Variants in ANXA13 observed in about 807,000 individuals in gnomAD.
ANXA13 encodes annexin A13.
Under a neutral mutation model 46.6 loss-of-function variants are expected in ANXA13, and 36 were observed. The ratio of observed to expected loss-of-function variants is 0.77; its 90% CI spans 0.59 to 1.02. The LOEUF (loss-of-function observed/expected upper bound fraction) is 1.02, where lower values mean the gene tolerates loss of function less well. ANXA13 is among the 50% of genes least tolerant of loss of function. The probability of loss-of-function intolerance (pLI) is 0.00; values close to 1 mark genes in which losing one functional copy is unlikely to be tolerated. For missense variants in ANXA13, 417 were observed against 396.5 expected, an observed-to-expected ratio of 1.05 and a Z score of -0.44; for synonymous variants, 163 against 152.9, an observed-to-expected ratio of 1.07 and a Z score of -0.49.
intron 2 of ANXA13, chr8:123,712,423 T>C (rs1367071703): frequency 1.9e-6 from 1 of 524,164 alleles, no homozygotes; most frequent in Admixed American, 3.1e-5. Context: ...TCTCATGAAG[T>C]TTCTCTCACC....
chr8:123,719,996 A>G (rs1222401694), intron 1 of ANXA13, among the ~76,000 whole-genome samples: 1 of 152,174 alleles, frequency 6.6e-6, no homozygotes, highest in African/African-American at 2.4e-5. Context: ...AGGAGGTGGG[A>G]TGCTGGGTGA....
In ANXA13 at chr8:123,695,586, G is replaced by A. The variant is rs764991902; in HGVS notation, c.392-5C>T. ...ATTCGAGGCTCCTATCAAATACTTCGAAGGAAGTAAACAAGGAGGGAAGAA... is the reference window on the plus strand; with the variant it reads ...ATTCGAGGCTCCTATCAAATACTTCAAAGGAAGTAAACAAGGAGGGAAGAA... On this transcript the variant is annotated splice_region_variant and splice_polypyrimidine_tract_variant and intron_variant, in intron 5 of 10. Transcript: ENST00000419625. The A allele has an allele frequency of 6.8e-6, 11 of 1,613,062 alleles. No homozygotes were observed. Among genetic ancestry groups the A allele is most frequent in the East Asian group, 6.7e-5 (3 of 44,862 alleles).
chr8:123,682,136 T>C (rs1251502983), intron 10 of ANXA13, among the ~76,000 whole-genome samples: 2 of 152,186 alleles, frequency 1.3e-5, no homozygotes, highest in East Asian at 3.8e-4. Flanking sequence ...ATTAAGCAAT[T>C]AAGCAGTTTT....
intron 1 of ANXA13, among the ~76,000 whole-genome samples, chr8:123,718,791 C>G (rs1316568013): frequency 1.3e-5 from 2 of 152,214 alleles, no homozygotes. Flanking sequence ...GAAGCGGTGT[C>G]ACCTTGGCAG....
In ANXA13 at chr8:123,712,742, G is replaced by A; in HGVS notation, c.27C>T (p.Ser9=). ...GATCCACATCAAAACCCTGAGGACT[G>A]CTCGCTTTAGCCTGGAGAAAATAAT... MGNRHAKA[S]SPQGFDVDRD... Residue 9 remains serine (S), a synonymous_variant, in exon 2 of 11, where the codon AGC becomes AGT. Coordinates refer to ENST00000419625, the MANE Select transcript of ANXA13 (RefSeq NM_004306.4). The A allele has an allele frequency of 6.2e-7, 1 of 1,614,070 alleles. No individual in the cohort carries two copies. The highest frequency in any genetic ancestry group is 1.1e-5 in the South Asian group (1 of 91,080).
At chr8:123,693,088 C>A in intron 8 of ANXA13, 109 bp downstream of exon 8, 2 of 918,310 alleles carry the variant, frequency 2.2e-6, no homozygotes, top group Non-Finnish European at 3.4e-6. Flanking sequence ...AATTGAGAAC[C>A]ACTGTTGTAA....
rs772069665 is a variant in ANXA13, at chr8:123,722,380, AAG to A, written c.16-9629_16-9628del. Among the ~76,000 whole-genome samples, 94 of 124,618 alleles carry A rather than the reference AAG, an allele frequency of 7.5e-4. 1 individual carries two copies. Among genetic ancestry groups the A allele is most frequent in the African/African-American group, 1.9e-3 (66 of 33,978 alleles). 81.8% of individuals were successfully genotyped at this position (124,618 alleles called of 152,430 possible). On this transcript the variant is annotated intron_variant, in intron 1 of 10. Coordinates refer to ENST00000419625, the MANE Select transcript of ANXA13 (RefSeq NM_004306.4). ...AAAGAAAGAAAGAAAGAAAGAAAGA[AAG>A]AAAGAAAGAAAGAAAAGCTCAGTTC... is the stretch of plus-strand genomic sequence containing the variant.
At chr8:123,693,912 G>A (rs1462793469) in intron 6 of ANXA13, 133 bp from the exon 7 acceptor site, 9 of 749,230 alleles carry the variant, frequency 1.2e-5, no homozygotes, top group Non-Finnish European at 1.8e-5. Context: ...CTGGCAAGGA[G>A]GAAACACCTG....
At chr8:123,720,113 G>T (rs1217059250) in intron 1 of ANXA13, among the ~76,000 whole-genome samples, 3 of 152,172 alleles carry the variant, frequency 2.0e-5, no homozygotes, top group African/African-American at 7.2e-5. Context: ...AGAAGCCTTG[G>T]CTGGCTGCAC....
At position 123,712,726 on chromosome 8, in the gene ANXA13, C is replaced by T. The variant is rs1813683104; in HGVS notation, c.43G>A (p.Asp15Asn). 1.2e-6 allele frequency: 2 copies of T among 1,614,066 alleles called. No individual in the cohort carries two copies. Among genetic ancestry groups the T allele is most frequent in the Admixed American group, 3.3e-5 (2 of 60,010 alleles). The change falls in exon 2 of 11, where the codon GAT becomes AAT. Residue 15 changes from aspartate (D) to asparagine (N), a missense_variant. Coordinates refer to ENST00000419625, the MANE Select transcript of ANXA13 (RefSeq NM_004306.4). ...HAKASSPQGF[D>N]VDRDAKKLNK... is the part of the protein sequence containing the mutation. ...AGCTTTTTGGCATCTCGATCCACAT[C>T]AAAACCCTGAGGACTGCTCGCTTTA...
intron 1 of ANXA13, 21 bp downstream of exon 1, chr8:123,737,299 C>T (rs569408342): frequency 1.2e-6 from 2 of 1,605,378 alleles, no homozygotes; most frequent in East Asian, 2.3e-5. Context: ...AAACCAATTC[C>T]CAAAGGCAAT....
At chr8:123,691,882 T>TACACAC (rs145940109) in intron 8 of ANXA13, among the ~76,000 whole-genome samples, 1 of 151,694 alleles carries the variant, frequency 6.6e-6, no homozygotes, top group Admixed American at 6.6e-5. Context: ...AGTCAGTTCA[T>TACACAC]ACACACACAC....
intron 1 of ANXA13, among the ~76,000 whole-genome samples, chr8:123,715,343 T>C (rs1024880098): frequency 2.6e-5 from 4 of 152,258 alleles, no homozygotes; most frequent in African/African-American, 9.6e-5. Context: ...GCTGGTCCTC[T>C]AAGTGTGGAA....
At chr8:123,699,180 A>T (rs915593213) in intron 3 of ANXA13, among the ~76,000 whole-genome samples, 2 of 152,086 alleles carry the variant, frequency 1.3e-5, no homozygotes, top group African/African-American at 2.4e-5. Flanking sequence ...TCTTACTGGC[A>T]TCTGTTTTTT....
At chr8:123,717,919 G>A (rs1045137495) in intron 1 of ANXA13, among the ~76,000 whole-genome samples, 6 of 152,356 alleles carry the variant, frequency 3.9e-5, no homozygotes, top group African/African-American at 1.4e-4. Flanking sequence ...GTCTGTAAAA[G>A]GTACAATTAC....
Position 123,695,505 on chromosome 8 carries a change from C to T in ANXA13, c.468G>A (p.Leu156=), listed in dbSNP as rs376346596. The T allele has an allele frequency of 4.3e-6, 7 of 1,612,954 alleles. No homozygotes were observed. Among genetic ancestry groups the T allele is most frequent in the Non-Finnish European group, 5.9e-6 (7 of 1,178,946 alleles). ...GNLKKILVSL[L]QANRNEGDDV... ...GGTGACACCTCTTTCCTCTTACCTG[C>T]AGCAGAGACACCAGGATTTTTTTTA... is the stretch of plus-strand genomic sequence containing the variant. Residue 156 remains leucine (L), a synonymous_variant, in exon 6 of 11, where the codon CTG becomes CTA. Coordinates refer to ENST00000419625, the MANE Select transcript of ANXA13 (RefSeq NM_004306.4).
intron 3 of ANXA13, among the ~76,000 whole-genome samples, chr8:123,698,997 G>A (rs999607892): frequency 3.3e-5 from 5 of 152,202 alleles, no homozygotes; most frequent in Non-Finnish European, 1.5e-5. Flanking sequence ...AAATTGGGAT[G>A]CCTTTCAGTG....
At chr8:123,730,336 A>G (rs998542930) in intron 1 of ANXA13, among the ~76,000 whole-genome samples, 1 of 152,216 alleles carries the variant, frequency 6.6e-6, no homozygotes, top group Admixed American at 6.5e-5. Flanking sequence ...CAGTACCAAC[A>G]TCACCAGGGA....
intron 1 of ANXA13, among the ~76,000 whole-genome samples, chr8:123,727,269 C>T (rs79003443): frequency 0.01 from 1,556 of 152,230 alleles, 26 homozygotes; most frequent in African/African-American, 0.033. Flanking sequence ...AAACTGCTGC[C>T]TCTTGGCTGC....
Sources: allele counts gnomAD v4.1 joint callset (sites outside exome capture counted in the v4.1 genomes callset), GRCh38; gene constraint gnomAD v4.1.1; transcripts MANE v1.5; gene names NCBI Gene and HGNC (gene_info 2026-07-23, HGNC 2026-07-21).